Variants in PDS5A observed in about 807,000 individuals in gnomAD.
PDS5A encodes sister chromatid cohesion protein PDS5 homolog A.
Under a neutral mutation model 167.1 loss-of-function variants are expected in PDS5A, and 42 were observed. That is an observed-to-expected ratio of 0.25 (90% CI 0.20 to 0.33). The LOEUF is 0.33. PDS5A is among the 10% of genes least tolerant of loss of function. The probability of loss-of-function intolerance (pLI) is 1.00; values close to 1 mark genes in which losing one functional copy is unlikely to be tolerated. For missense variants in PDS5A, 1,033 were observed against 1,605.9 expected (o/e 0.64, Z 6.10); for synonymous variants, 553 against 554.6 (o/e 1.00, Z 0.04).
intron 32 of PDS5A, among the ~76,000 whole-genome samples, chr4:39,830,708 A>G (rs992230924): frequency 6.6e-6 from 1 of 152,134 alleles, no homozygotes; most frequent in Non-Finnish European, 1.5e-5. Flanking sequence ...TAAAGGCGTG[A>G]GCCACCATGC....
At chr4:39,971,333 T>C (rs1730515415) in intron 2 of PDS5A, among the ~76,000 whole-genome samples, 1 of 151,958 alleles carries the variant, frequency 6.6e-6, no homozygotes, top group Non-Finnish European at 1.5e-5. Context: ...TTTTTTGTAT[T>C]TTTAGTAGAG....
intron 32 of PDS5A, 82 bp from the exon 33 acceptor site, chr4:39,825,570 T>C (rs1393930873): frequency 7.5e-6 from 8 of 1,062,554 alleles, no homozygotes; most frequent in East Asian, 2.8e-5. Context: ...ATTTCCATAG[T>C]TGTTATCTAA....
chr4:39,949,321 A>AAAG (rs59445084), intron 2 of PDS5A, among the ~76,000 whole-genome samples: 1 of 151,066 alleles, frequency 6.6e-6, no homozygotes, highest in South Asian at 2.1e-4. Context: ...AAAAAAAAAA[A>AAAG]GAACTGATGG....
chr4:39,939,206 C>T (rs574518226), intron 2 of PDS5A, among the ~76,000 whole-genome samples: 1 of 152,036 alleles, frequency 6.6e-6, no homozygotes, highest in Non-Finnish European at 1.5e-5. Context: ...GGCTCATGCC[C>T]GTAATCACAC....
At chr4:39,874,830 T>C (rs775423584) in intron 19 of PDS5A, among the ~76,000 whole-genome samples, 2 of 152,154 alleles carry the variant, frequency 1.3e-5, no homozygotes, top group African/African-American at 2.4e-5. Flanking sequence ...CAAGTTGTAT[T>C]AAACAGCTGA....
At chr4:39,962,315 C>G (rs1729559666) in intron 2 of PDS5A, among the ~76,000 whole-genome samples, 1 of 152,116 alleles carries the variant, frequency 6.6e-6, no homozygotes, top group African/African-American at 2.4e-5. Flanking sequence ...CTTGGCCTCC[C>G]AAAGTGCTGG....
At chr4:39,909,040 A>AAAAATAAATAAAATAAAATAAAAT (rs1723641503) in intron 10 of PDS5A, among the ~76,000 whole-genome samples, 14 of 126,080 alleles carry the variant, frequency 1.1e-4, no homozygotes, top group Non-Finnish European at 2.0e-4. Flanking sequence ...CCCTGTATCA[A>AAAAATAAATAAAATAAAATAAAAT]AAAATAAAAT....
At chr4:39,959,428 G>A (rs1034485247) in intron 2 of PDS5A, among the ~76,000 whole-genome samples, 2 of 152,080 alleles carry the variant, frequency 1.3e-5, no homozygotes, top group Non-Finnish European at 2.9e-5. Context: ...CATGACCACT[G>A]CAGCCTCTAC....
chr4:39,891,497 A>G (rs554943848), intron 16 of PDS5A, among the ~76,000 whole-genome samples: 3 of 151,784 alleles, frequency 2.0e-5, no homozygotes, highest in African/African-American at 7.2e-5. Flanking sequence ...AAAAATACAA[A>G]ATCAGCCGGG....
chr4:39,956,303 C>T (rs935289495), intron 2 of PDS5A, among the ~76,000 whole-genome samples: 1 of 151,520 alleles, frequency 6.6e-6, no homozygotes, highest in Admixed American at 6.6e-5. Flanking sequence ...ACTAGCCCGG[C>T]CAACATGCTG....
At chr4:39,846,629 A>G (rs776502463) in intron 28 of PDS5A, 13 of 152,260 alleles carry the variant, frequency 8.5e-5, no homozygotes, top group Non-Finnish European at 1.8e-4. Context: ...ATATCTATAT[A>G]AAAATTAGGA....
At position 39,926,759 on chromosome 4, in the gene PDS5A, G is replaced by A. The variant is rs756141196; in HGVS notation, c.429+16C>T. The stretch of plus-strand genomic sequence containing the variant: ...TGAAATAATGTTAATAGTTATTAAA[G>A]TTTTTTTTTTTTTACCTCTAATAAA... On this transcript the variant is annotated intron_variant, in intron 4 of 32. Coordinates refer to ENST00000303538, the MANE Select transcript of PDS5A (RefSeq NM_001100399.2). The A allele has an allele frequency of 3.8e-6, 4 of 1,049,994 alleles. No homozygotes were observed. Among genetic ancestry groups the A allele is most frequent in the Non-Finnish European group, 5.1e-6 (4 of 787,796 alleles). The allele number at this position is 1,049,994 out of a possible 1,614,324, so 65.0% of individuals were successfully genotyped here.
chr4:39,886,180 C>G (rs1721459280), intron 17 of PDS5A, among the ~76,000 whole-genome samples: 1 of 152,050 alleles, frequency 6.6e-6, no homozygotes, highest in South Asian at 2.1e-4. Context: ...TTAGATGTGT[C>G]TAGTTTTTAT....
rs1398021710 is a variant in PDS5A, at chr4:39,901,259, TTTC to T, written c.1500-755_1500-753del. 9.7e-5 allele frequency among the ~76,000 whole-genome samples: 13 copies of T among 134,444 alleles called. No homozygotes were observed. The South Asian group carries it at 3.3e-3, about 34-fold the overall frequency. The allele number at this position is 134,444 out of a possible 152,430, so 88.2% of individuals were successfully genotyped here. A position where few individuals can be genotyped will look rare whatever the true frequency, so the allele number is the denominator to read the frequency against. On this transcript the variant is annotated intron_variant, in intron 13 of 32. Transcript: ENST00000303538. ...TGCCAAAATGACAGTCTTTTTTTCT[TTTC>T]TTTCTTTTTTTTTTTTTTTTTTTTG...
intron 2 of PDS5A, among the ~76,000 whole-genome samples, chr4:39,948,727 C>G (rs1038196482): frequency 8.0e-5 from 12 of 150,710 alleles, no homozygotes; most frequent in African/African-American, 2.9e-4. Context: ...TGGCTTCAAG[C>G]AATTTTCCTG....
At chr4:39,973,238 G>A (rs1330858579) in intron 2 of PDS5A, 13 of 1,439,376 alleles carry the variant, frequency 9.0e-6, no homozygotes, top group Non-Finnish European at 9.8e-6. Flanking sequence ...GAGTGACTCT[G>A]GACTCTCGAG....
intron 4 of PDS5A, among the ~76,000 whole-genome samples, chr4:39,926,518 CAAA>C (rs34277222): frequency 9.2e-6 from 1 of 109,204 alleles, no homozygotes; most frequent in Non-Finnish European, 1.9e-5. Flanking sequence ...AACTACGTCT[CAAA>C]AAAAAAAAAA....
intron 2 of PDS5A, among the ~76,000 whole-genome samples, chr4:39,954,347 G>A (rs925661665): frequency 2.0e-5 from 3 of 151,960 alleles, no homozygotes; most frequent in Non-Finnish European, 4.4e-5. Flanking sequence ...GTGACAGAGC[G>A]AGACCCTGTC....
At chr4:39,896,778 G>T (rs1017638933) in intron 16 of PDS5A, among the ~76,000 whole-genome samples, 1 of 148,274 alleles carries the variant, frequency 6.7e-6, no homozygotes, top group African/African-American at 2.5e-5. Flanking sequence ...AAAAAAAAAA[G>T]AAAGTTTTAA....
Sources: gnomAD v4.1 joint callset for allele counts (sites outside exome capture counted in the v4.1 genomes callset) on GRCh38, gnomAD v4.1.1 for gene constraint, MANE v1.5 for transcripts, NCBI Gene and HGNC (gene_info 2026-07-23, HGNC 2026-07-21) for gene names.